MAD2L1: variants seen among roughly 807,000 people sequenced by gnomAD.
MAD2L1 encodes the protein mitotic arrest deficient 2 like 1.
A neutral mutation model predicts 25.9 loss-of-function variants in MAD2L1; 10 were observed. The ratio of observed to expected loss-of-function variants is 0.39; its 90% CI spans 0.24 to 0.66. The LOEUF is 0.66. Among genes scored for constraint, MAD2L1 ranks in the 30% least tolerant of loss-of-function variants. The pLI is 0.49. For missense variants in MAD2L1, 180 were observed against 246.4 expected, an observed-to-expected ratio of 0.73 and a Z score of 1.80; for synonymous variants, 81 against 91.8, an observed-to-expected ratio of 0.88 and a Z score of 0.67.
At chr4:120,062,752 C>T (rs1352297685) in intron 2 of MAD2L1, among the ~76,000 whole-genome samples, 4 of 152,164 alleles carry the variant, frequency 2.6e-5, no homozygotes, top group Non-Finnish European at 5.9e-5. Flanking sequence ...TGTGTGTGAA[C>T]AGGATGTAAA....
rs1560770532 is a variant in MAD2L1 at position 120,062,114 on chromosome 4, A to G, written c.221-19T>C. 2 of 1,600,534 alleles carry G rather than the reference A, an allele frequency of 1.2e-6. No homozygotes were observed. The highest frequency in any genetic ancestry group is 1.7e-6 in the Non-Finnish European group (2 of 1,174,428). On this transcript the variant is annotated intron_variant, in intron 2 of 4. Coordinates refer to ENST00000296509, the MANE Select transcript of MAD2L1 (RefSeq NM_002358.4). Reference sequence around the variant, plus strand: ...AACCAATCTGCAACATATAAAAAGGAAGGCATCTTTCTTGGTCCACTGCAT... The same window carrying G: ...AACCAATCTGCAACATATAAAAAGGGAGGCATCTTTCTTGGTCCACTGCAT...
rs1726181769 is a variant in MAD2L1 at position 120,059,938 on chromosome 4, G to A, written c.*180C>T. 1 of 479,268 alleles carries A rather than the reference G, an allele frequency of 2.1e-6. No homozygotes were observed. The highest frequency in any genetic ancestry group is 1.9e-5 in the African/African-American group (1 of 51,652). 29.7% of individuals were successfully genotyped at this position (479,268 alleles called of 1,614,324 possible). ...ATAAATTCATGATGTTAACTCCATGGTAAGTCAAATAGGTACCAAAAAAAT... is the reference window on the plus strand; with the variant it reads ...ATAAATTCATGATGTTAACTCCATGATAAGTCAAATAGGTACCAAAAAAAT... On this transcript the variant is annotated 3_prime_UTR_variant, in exon 5 of 5. Coordinates refer to ENST00000296509, the MANE Select transcript of MAD2L1 (RefSeq NM_002358.4).
intron 2 of MAD2L1, 60 bp from the exon 3 acceptor site, chr4:120,062,155 T>G: frequency 1.3e-6 from 2 of 1,521,808 alleles, no homozygotes; most frequent in African/African-American, 1.4e-5. Flanking sequence ...AGTAGCTCTC[T>G]TCTCGGGTCC....
chr4:120,066,722 G>T lies in MAD2L1; in HGVS notation c.13C>A (p.Leu5Ile). MALQ[L>I]SREQGITLRG... is the part of the protein sequence containing the mutation. ...AGGGTGATTCCCTGCTCCCGGGAGA[G>T]CTGCAGCGCCATGGCCAGGGACACA... The change falls in exon 1 of 5, where the codon CTC becomes ATC. Residue 5 changes from leucine (L) to isoleucine (I), a missense_variant. Leu to Ile is a conservative substitution (Grantham distance 5). Transcript: ENST00000296509. 3 of 1,600,692 alleles carry T rather than the reference G, an allele frequency of 1.9e-6. No homozygotes were observed. Among genetic ancestry groups the T allele is most frequent in the Non-Finnish European group, 1.7e-6 (2 of 1,170,700 alleles).
At chr4:120,066,600 T>C in intron 1 of MAD2L1, 62 bp downstream of exon 1, 1 of 1,450,034 alleles carries the variant, frequency 6.9e-7, no homozygotes, top group Non-Finnish European at 9.6e-7. Context: ...GGCCGAGCTG[T>C]GGGCCTACTG....
Position 120,065,704 on chromosome 4 carries a change from T to C in MAD2L1, c.188A>G (p.Lys63Arg). The change falls in exon 2 of 5, where the codon AAA becomes AGA. Residue 63 changes from lysine (K) to arginine (R), a missense_variant. Lys to Arg is a conservative substitution (Grantham distance 26). Coordinates refer to ENST00000296509, the MANE Select transcript of MAD2L1 (RefSeq NM_002358.4). ...LLVTTDLELI[K>R]YLNNVVEQLK... is the part of the protein sequence containing the mutation. ...TTGTTCCACCACATTATTTAGGTAT[T>C]TTATGAGCTCAAGATCAGTAGTTAC... 1 of 1,613,922 alleles carries C rather than the reference T, an allele frequency of 6.2e-7. No individual in the cohort carries two copies. Among genetic ancestry groups the C allele is most frequent in the South Asian group, 1.1e-5 (1 of 91,070 alleles).
At position 120,061,959 on chromosome 4, in the gene MAD2L1, T is replaced by G; in HGVS notation, c.341+16A>C. On this transcript the variant is annotated intron_variant, in intron 3 of 4. Transcript: ENST00000296509. ...AAAAAATATATCAAAGTAGAAATAA[T>G]GTAATTCCTATTTACCTGTCATCTT... 1 of 1,585,018 alleles carries G rather than the reference T, an allele frequency of 6.3e-7. No individual in the cohort carries two copies. Among genetic ancestry groups the G allele is most frequent in the Non-Finnish European group, 8.6e-7 (1 of 1,168,522 alleles).
chr4:120,064,010 T>C (rs983629696), intron 2 of MAD2L1, among the ~76,000 whole-genome samples: 12 of 151,980 alleles, frequency 7.9e-5, no homozygotes, highest in Admixed American at 3.9e-4. Flanking sequence ...ACCGAACAAC[T>C]TGCCTCTAGG....
chr4:120,063,534 C>A (rs536933321), intron 2 of MAD2L1, among the ~76,000 whole-genome samples: 139 of 152,278 alleles, frequency 9.1e-4, no homozygotes, highest in Non-Finnish European at 5.9e-5. Flanking sequence ...CATTTATCAA[C>A]AACTTTTTAT....
chr4:120,061,359 C>T (rs1405918991), intron 3 of MAD2L1, among the ~76,000 whole-genome samples: 1 of 152,064 alleles, frequency 6.6e-6, no homozygotes, highest in African/African-American at 2.4e-5. Context: ...TTAGTAATGC[C>T]TAAATGTCTA....
intron 4 of MAD2L1, 117 bp downstream of exon 4, chr4:120,060,757 A>C: frequency 1.6e-6 from 1 of 636,854 alleles, no homozygotes; most frequent in Non-Finnish European, 2.7e-6. Flanking sequence ...TTTTTCCTTC[A>C]ATTTATATTA....
rs1223825078 is a variant in MAD2L1, at chr4:120,058,882, TGAA to T, written c.*1233_*1235del. 6.6e-6 allele frequency: 1 copy of T among 152,088 alleles called. No homozygotes were observed. The highest frequency in any genetic ancestry group is 1.5e-5 in the Non-Finnish European group (1 of 68,016). 9.4% of individuals were successfully genotyped at this position (152,088 alleles called of 1,614,324 possible). A position where few individuals can be genotyped will look rare whatever the true frequency, so the allele number is the denominator to read the frequency against. ...ACTATGTGCAATTACTTAAAAATAG[TGAA>T]GGTTAAATAAGTTAATACACATAAA... On this transcript the variant is annotated 3_prime_UTR_variant, in exon 5 of 5. Coordinates refer to ENST00000296509, the MANE Select transcript of MAD2L1 (RefSeq NM_002358.4).
rs1199755152 is a variant in MAD2L1, at chr4:120,060,309, C to A, written c.446-19G>T. 1.3e-6 allele frequency: 2 copies of A among 1,574,890 alleles called. No homozygotes were observed. Among genetic ancestry groups the A allele is most frequent in the East Asian group, 2.3e-5 (1 of 44,264 alleles). ...AATGAACCTAAATTGGGGATAAGAT[C>A]ATTGAAGTATATTATTTTCTAAAAG... On this transcript the variant is annotated intron_variant, in intron 4 of 4. Transcript: ENST00000296509.
intron 2 of MAD2L1, among the ~76,000 whole-genome samples, chr4:120,065,183 G>A (rs1291587608): frequency 6.6e-6 from 1 of 152,174 alleles, no homozygotes; most frequent in Non-Finnish European, 1.5e-5. Flanking sequence ...CAAAAAAACT[G>A]TGAGTGTTCT....
At chr4:120,063,580 T>G (rs995794619) in intron 2 of MAD2L1, among the ~76,000 whole-genome samples, 2 of 152,206 alleles carry the variant, frequency 1.3e-5, no homozygotes, top group African/African-American at 4.8e-5. Flanking sequence ...GGTGGTAATT[T>G]GCTCTTCCTT....
Position 120,059,743 on chromosome 4 carries a change from T to G in MAD2L1, c.*375A>C, listed in dbSNP as rs1726178570. 6.4e-6 allele frequency: 1 copy of G among 156,970 alleles called. No homozygotes were observed. 9.7% of individuals were successfully genotyped at this position (156,970 alleles called of 1,614,324 possible). Reference sequence around the variant, plus strand: ...AGACTTCCTTTGTTGTATTTTATACTTAAATATCTCCCTACCTATACTGAG... The same window carrying G: ...AGACTTCCTTTGTTGTATTTTATACGTAAATATCTCCCTACCTATACTGAG... On this transcript the variant is annotated 3_prime_UTR_variant, in exon 5 of 5. Coordinates refer to ENST00000296509, the MANE Select transcript of MAD2L1 (RefSeq NM_002358.4).
rs373089732 is a variant in MAD2L1 at position 120,060,101 on chromosome 4, T to C, written c.*17A>G. 1.7e-4 allele frequency: 259 copies of C among 1,569,400 alleles called. No homozygotes were observed. Among genetic ancestry groups the C allele is most frequent in the Non-Finnish European group, 2.2e-4 (250 of 1,149,304 alleles). On this transcript the variant is annotated 3_prime_UTR_variant, in exon 5 of 5. Coordinates refer to ENST00000296509, the MANE Select transcript of MAD2L1 (RefSeq NM_002358.4). Reference sequence around the variant, plus strand: ...ACATTTCAAAATTACAATTACATTATTTTCCTCATGTCATCCTCAGTCATT... The same window carrying C: ...ACATTTCAAAATTACAATTACATTACTTTCCTCATGTCATCCTCAGTCATT...
chr4:120,065,158 T>C (rs1254974710), intron 2 of MAD2L1, among the ~76,000 whole-genome samples: 1 of 152,204 alleles, frequency 6.6e-6, no homozygotes. Flanking sequence ...TAGAAATACG[T>C]GAAAAACAAA....
Position 120,060,059 on chromosome 4 carries a change from T to C in MAD2L1, c.*59A>G, listed in dbSNP as rs2908990. ...ATAAAACATATCAACTATAGATGAC[T>C]TGATTTCAGGAAAACCACATTTCAA... On this transcript the variant is annotated 3_prime_UTR_variant, in exon 5 of 5. Coordinates refer to ENST00000296509, the MANE Select transcript of MAD2L1 (RefSeq NM_002358.4). 0.71 allele frequency: 1,034,105 copies of C among 1,446,764 alleles called. 371,233 individuals carry two copies. The highest frequency in any genetic ancestry group is 0.82 in the East Asian group (35,607 of 43,574). 89.6% of individuals were successfully genotyped at this position (1,446,764 alleles called of 1,614,324 possible). A position where few individuals can be genotyped will look rare whatever the true frequency, so the allele number is the denominator to read the frequency against.
Sources: allele counts gnomAD v4.1 joint callset (sites outside exome capture counted in the v4.1 genomes callset), GRCh38; gene constraint gnomAD v4.1.1; transcripts MANE v1.5; gene names NCBI Gene and HGNC (gene_info 2026-07-23, HGNC 2026-07-21).